The following MDFIC2 variants were observed in gnomAD, a reference collection of about 807,000 sequenced individuals.
MDFIC2 encodes the protein MyoD family inhibitor domain containing 2.
At chr3:70,244,095 T>A (rs928759078) in intron 2 of MDFIC2, among the ~76,000 whole-genome samples, 1 of 152,204 alleles carries the variant, frequency 6.6e-6, no homozygotes, top group Admixed American at 6.5e-5. Context: ...ACCTCCCTGC[T>A]CTTCGGTTTC....
chr3:70,202,072 T>C (rs1175508842), intron 3 of MDFIC2, among the ~76,000 whole-genome samples: 2 of 152,196 alleles, frequency 1.3e-5, no homozygotes, highest in African/African-American at 4.8e-5. Flanking sequence ...TGACTAGTGG[T>C]CTATCTGATA....
intron 2 of MDFIC2, among the ~76,000 whole-genome samples, chr3:70,259,697 C>A (rs1027204921): frequency 2.0e-4 from 30 of 152,174 alleles, no homozygotes; most frequent in Non-Finnish European, 3.4e-4. Context: ...GCTACTGTAA[C>A]AAAGTGCCAC....
intron 3 of MDFIC2, among the ~76,000 whole-genome samples, chr3:70,200,401 A>G (rs1015252803): frequency 1.4e-4 from 22 of 152,118 alleles, no homozygotes; most frequent in Non-Finnish European, 3.1e-4. Flanking sequence ...TACTTACTTC[A>G]CACTCACAGC....
At chr3:70,253,142 A>C (rs114103589) in intron 2 of MDFIC2, among the ~76,000 whole-genome samples, 109 of 152,336 alleles carry the variant, frequency 7.2e-4, no homozygotes, top group Non-Finnish European at 1.3e-3. Flanking sequence ...GGATTGTGAT[A>C]AGTGCTAAAG....
intron 2 of MDFIC2, among the ~76,000 whole-genome samples, chr3:70,258,842 G>A (rs575222249): frequency 6.6e-6 from 1 of 152,050 alleles, no homozygotes; most frequent in East Asian, 1.9e-4. Context: ...GCTGAGAGCA[G>A]GTGATGACCC....
chr3:70,287,258 T>C (rs1487245331), intron 2 of MDFIC2, among the ~76,000 whole-genome samples: 1 of 140,852 alleles, frequency 7.1e-6, no homozygotes, highest in African/African-American at 2.7e-5. Flanking sequence ...TTGAGAGTTT[T>C]TAGCATGAAG....
At chr3:70,197,963 C>A (rs957243154) in intron 3 of MDFIC2, among the ~76,000 whole-genome samples, 17 of 152,028 alleles carry the variant, frequency 1.1e-4, no homozygotes, top group Non-Finnish European at 2.4e-4. Flanking sequence ...TAATTTCTAG[C>A]CAAACAGCTG....
intron 2 of MDFIC2, among the ~76,000 whole-genome samples, chr3:70,244,914 C>A (rs1490760288): frequency 6.6e-6 from 1 of 152,074 alleles, no homozygotes; most frequent in South Asian, 2.1e-4. Context: ...CATAAATAGT[C>A]TTCAGGACTA....
chr3:70,261,993 C>G (rs1415691760), intron 2 of MDFIC2, among the ~76,000 whole-genome samples: 1 of 152,114 alleles, frequency 6.6e-6, no homozygotes, highest in African/African-American at 2.4e-5. Context: ...CCTTCCTTAC[C>G]CATAAGAGTT....
At chr3:70,280,990 G>C (rs564186214) in intron 2 of MDFIC2, among the ~76,000 whole-genome samples, 9 of 152,254 alleles carry the variant, frequency 5.9e-5, no homozygotes, top group Admixed American at 4.6e-4. Flanking sequence ...TACATAGTTT[G>C]TTAAACTTAC....
chr3:70,218,811 C>T (rs1362829798), intron 2 of MDFIC2, among the ~76,000 whole-genome samples: 2 of 152,130 alleles, frequency 1.3e-5, no homozygotes, highest in Admixed American at 1.3e-4. Context: ...ATTGACTGTG[C>T]TTGGCGAAAG....
rs71672662 is a variant in MDFIC2 at position 70,237,979 on chromosome 3, C to CTTTT, written c.89-31193_89-31190dup. ...GGAAAAGAAACTAATTGAGTGGTAT[C>CTTTT]TTTTTTTTTTTTTTTTTTTTTTTTT... On this transcript the variant is annotated intron_variant, in intron 2 of 3. Transcript: ENST00000567252. Among the ~76,000 whole-genome samples the CTTTT allele has an allele frequency of 8.1e-3, 395 of 48,912 alleles. 102 individuals are homozygous for CTTTT. The highest frequency in any genetic ancestry group is 0.026 in the African/African-American group (244 of 9,404). 32.1% of individuals were successfully genotyped at this position (48,912 alleles called of 152,430 possible). A position where few individuals can be genotyped will look rare whatever the true frequency, so the allele number is the denominator to read the frequency against.
chr3:70,271,052 A>G (rs1257097187), intron 2 of MDFIC2, among the ~76,000 whole-genome samples: 2 of 152,146 alleles, frequency 1.3e-5, no homozygotes, highest in African/African-American at 4.8e-5. Flanking sequence ...AGAAATATTG[A>G]AAATAAAAAA....
chr3:70,202,115 G>C (rs1271082824), intron 3 of MDFIC2, among the ~76,000 whole-genome samples: 2 of 152,272 alleles, frequency 1.3e-5, no homozygotes, highest in African/African-American at 4.8e-5. Flanking sequence ...ATAGTGGTTA[G>C]TGACTAGTGG....
intron 2 of MDFIC2, among the ~76,000 whole-genome samples, chr3:70,283,407 A>G (rs1026079415): frequency 7.2e-5 from 11 of 152,136 alleles, no homozygotes; most frequent in Admixed American, 6.6e-4. Flanking sequence ...GCTGACGAAT[A>G]CTGAAATTCT....
At chr3:70,296,105 G>A (rs1302678757) in intron 2 of MDFIC2, among the ~76,000 whole-genome samples, 1 of 152,150 alleles carries the variant, frequency 6.6e-6, no homozygotes, top group Non-Finnish European at 1.5e-5. Context: ...AGTTTTAGTG[G>A]TAGGGAAAGG....
At chr3:70,271,250 G>A (rs6549319) in intron 2 of MDFIC2, among the ~76,000 whole-genome samples, 49,403 of 151,908 alleles carry the variant, frequency 0.33, 8,504 homozygotes, top group East Asian at 0.49. Flanking sequence ...GCAAACTCAA[G>A]ATGACCAGGA....
chr3:70,206,910 A>G (rs1218879078), intron 2 of MDFIC2, 120 bp from the exon 3 acceptor site: 1 of 394,596 alleles, frequency 2.5e-6, no homozygotes, highest in Admixed American at 4.4e-5. Context: ...AAGAAAACAA[A>G]TGAAGTATTA....
At chr3:70,238,337 G>A (rs915875894) in intron 2 of MDFIC2, among the ~76,000 whole-genome samples, 2 of 152,002 alleles carry the variant, frequency 1.3e-5, no homozygotes, top group Non-Finnish European at 2.9e-5. Flanking sequence ...GCTGGGCATC[G>A]TGGCTCACAC....
Sources: gnomAD v4.1 joint callset for allele counts (sites outside exome capture counted in the v4.1 genomes callset) on GRCh38, gnomAD v4.1.1 for gene constraint, MANE v1.5 for transcripts, NCBI Gene and HGNC (gene_info 2026-07-23, HGNC 2026-07-21) for gene names.